ATM: variants seen among roughly 807,000 people sequenced by gnomAD.
The protein encoded by ATM is ATM serine/threonine kinase.
A neutral mutation model predicts 387.0 loss-of-function variants in ATM; 308 were observed. That is an observed-to-expected ratio of 0.80 (90% CI 0.73 to 0.87). The LOEUF is 0.87. ATM is among the 40% of genes least tolerant of loss of function. ATM has a pLI of 0.00. For synonymous variants in ATM, 1,156 were observed against 1,187.3 expected (o/e 0.97, Z 0.54); for missense variants, 3,312 against 3,560.9 (o/e 0.93, Z 1.78).
chr11:108,295,255 T>A, intron 32 of ATM, 196 bp downstream of exon 32: 1 of 643,448 alleles, frequency 1.6e-6, no homozygotes, highest in Non-Finnish European at 2.6e-6. Context: ...GTTTTATTCA[T>A]CCTCTGCCAG....
intron 61 of ATM, among the ~76,000 whole-genome samples, chr11:108,362,509 T>C (rs1290673028): frequency 3.7e-4 from 55 of 149,772 alleles, no homozygotes; most frequent in African/African-American, 1.3e-3. Context: ...CGTATGTTTA[T>C]TGCGGCATTA....
In ATM at chr11:108,251,970, T is replaced by G. The variant is rs876659822; in HGVS notation, c.1741T>G (p.Leu581Val). Residue 581 changes from leucine (L) to valine (V), a missense_variant, in exon 11 of 63, where the codon TTA becomes GTA. This residue lies in a region of ATM where 1,791 missense variants were observed against 1,804.5 expected (regional missense o/e 0.99). Transcript: ENST00000675843. ...AAAGGAATCAATAATGAAATGGCTC[T>G]TATTCTATCAGTTAGAGGGTGACTT... is the stretch of plus-strand genomic sequence containing the variant. The part of the protein sequence containing the change: ...SLKESIMKWL[L>V]FYQLEGDLEN... The G allele has an allele frequency of 1.9e-5, 31 of 1,613,752 alleles. No homozygotes were observed. The East Asian group carries it at 6.7e-4, about 35-fold the overall frequency.
rs1412493111 is a variant in ATM, at chr11:108,265,704, A to G, written c.2467-1467A>G. 4.6e-3 allele frequency among the ~76,000 whole-genome samples: 670 copies of G among 144,534 alleles called. 3 individuals are homozygous for G. Among genetic ancestry groups the G allele is most frequent in the Non-Finnish European group, 5.2e-3 (341 of 66,194 alleles). 94.8% of individuals were successfully genotyped at this position (144,534 alleles called of 152,430 possible). ...CATCAGAGTGAACAGGCAACCTACA[A>G]AATGGGAGAAAATTTTCGCAACCTA... On this transcript the variant is annotated intron_variant, in intron 16 of 62. Transcript: ENST00000675843.
At chr11:108,314,577 C>T (rs2084456792) in intron 40 of ATM, among the ~76,000 whole-genome samples, 1 of 151,936 alleles carries the variant, frequency 6.6e-6, no homozygotes, top group African/African-American at 2.4e-5. Flanking sequence ...GACCAGTCTA[C>T]TGTGTTGCTG....
intron 4 of ATM, chr11:108,231,628 G>A (rs1400922182): frequency 1.3e-5 from 2 of 150,778 alleles, no homozygotes; most frequent in Non-Finnish European, 2.9e-5. Flanking sequence ...CCTGGAAGGT[G>A]GAGGTTGCAG....
At chr11:108,239,484 T>C (rs2135170183) in intron 5 of ATM, among the ~76,000 whole-genome samples, 1 of 152,348 alleles carries the variant, frequency 6.6e-6, no homozygotes, top group African/African-American at 2.4e-5. Flanking sequence ...ATTTCACCCT[T>C]ATTAAAAACT....
At chr11:108,265,506 A>G (rs1477425701) in intron 16 of ATM, among the ~76,000 whole-genome samples, 1 of 151,500 alleles carries the variant, frequency 6.6e-6, no homozygotes, top group Admixed American at 6.6e-5. Flanking sequence ...AGACTTAAAC[A>G]TTAGACCTAA....
At chr11:108,248,063 T>C (rs950525430) in intron 8 of ATM, among the ~76,000 whole-genome samples, 8 of 152,220 alleles carry the variant, frequency 5.3e-5, no homozygotes, top group African/African-American at 1.9e-4. Flanking sequence ...GTGAGTCTTT[T>C]GTGTCTGGTT....
rs555119472 is a variant in ATM at position 108,282,064 on chromosome 11, C to G, written c.3577-646C>G. On this transcript the variant is annotated intron_variant, in intron 24 of 62. Coordinates refer to ENST00000675843, the MANE Select transcript of ATM (RefSeq NM_000051.4). Reference sequence around the variant, plus strand: ...CACTGCAGTCTTGACCTCCTGGGCTCAAGCGATCCTCCCAAGCCTCCTGAG... The same window carrying G: ...CACTGCAGTCTTGACCTCCTGGGCTGAAGCGATCCTCCCAAGCCTCCTGAG... Among the ~76,000 whole-genome samples, 6 of 152,096 alleles carry G rather than the reference C, an allele frequency of 3.9e-5. No homozygotes were observed. In the East Asian group the frequency reaches 1.2e-3, roughly 29 times the overall value.
chr11:108,304,694 A>G lies in ATM; in HGVS notation c.5516A>G (p.Gln1839Arg), dbSNP rs2135942711. 1 of 1,614,002 alleles carries G rather than the reference A, an allele frequency of 6.2e-7. No individual in the cohort carries two copies. The highest frequency in any genetic ancestry group is 8.5e-7 in the Non-Finnish European group (1 of 1,179,952). ...TTCTAGGTGAAAACTGACTTTTGTC[A>G]GACTGTACTTCCATACTTGATTCAT... ...PMCEVKTDFC[Q>R]TVLPYLIHDI... The change falls in exon 37 of 63, where the codon CAG becomes CGG. Residue 1839 changes from glutamine (Q) to arginine (R), a missense_variant. Gln to Arg is a conservative substitution (Grantham distance 43). Coordinates refer to ENST00000675843, the MANE Select transcript of ATM (RefSeq NM_000051.4).
rs533129312 is a variant in ATM, at chr11:108,252,861, C to G, written c.1847C>G (p.Thr616Ser). 6.2e-7 allele frequency: 1 copy of G among 1,613,026 alleles called. No individual in the cohort carries two copies. Among genetic ancestry groups the G allele is most frequent in the African/African-American group, 1.3e-5 (1 of 74,968 alleles). The change falls in exon 12 of 63, where the codon ACT becomes AGT. Residue 616 changes from threonine (T) to serine (S), a missense_variant. Thr to Ser is a moderately conservative substitution (Grantham distance 58, BLOSUM62 1). Transcript: ENST00000675843. ...LVLEKILVSL[T>S]MKNCKAAMNF... is the part of the protein sequence containing the mutation. ...CTGGAGAAAATTCTTGTGAGTCTCA[C>G]TATGAAAAACTGTAAAGCTGCAATG...
In ATM at chr11:108,253,870, T is replaced by C. The variant is rs766259936; in HGVS notation, c.1955T>C (p.Phe652Ser). The C allele has an allele frequency of 9.3e-6, 15 of 1,614,012 alleles. No homozygotes were observed. Among genetic ancestry groups the C allele is most frequent in the Non-Finnish European group, 1.3e-5 (15 of 1,179,950 alleles). Residue 652 changes from phenylalanine to serine, a missense_variant, in exon 13 of 63, where the codon TTT becomes TCT. Transcript: ENST00000675843. ...ELSFSEVEELFLQTTFDKMDF... is the reference protein window; with the variant it reads ...ELSFSEVEELSLQTTFDKMDF... ...TCATTCTCAGAAGTAGAAGAACTAT[T>C]TCTTCAGACAACTTTTGACAAGATG... is the stretch of plus-strand genomic sequence containing the variant.
chr11:108,256,196 A>G lies in ATM; in HGVS notation c.2125-19A>G. 1 of 1,570,014 alleles carries G rather than the reference A, an allele frequency of 6.4e-7. No homozygotes were observed. Among genetic ancestry groups the G allele is most frequent in the Non-Finnish European group, 8.7e-7 (1 of 1,151,194 alleles). On this transcript the variant is annotated intron_variant, in intron 13 of 62. Transcript: ENST00000675843. ...TTATTTATGAAATATATATATTTTTATTTGTGGTTTACTTTAAGATTACAA... is the reference window on the plus strand; with the variant it reads ...TTATTTATGAAATATATATATTTTTGTTTGTGGTTTACTTTAAGATTACAA...
intron 1 of ATM, chr11:108,223,697 G>A (rs1163167495): frequency 6.6e-6 from 1 of 152,264 alleles, no homozygotes; most frequent in Non-Finnish European, 1.5e-5. Flanking sequence ...GTACAGATAA[G>A]ACAACTACAG....
chr11:108,292,663 G>C lies in ATM; in HGVS notation c.4481G>C (p.Cys1494Ser), dbSNP rs2135798565. 3 of 1,613,394 alleles carry C rather than the reference G, an allele frequency of 1.9e-6. No homozygotes were observed. Among genetic ancestry groups the C allele is most frequent in the Non-Finnish European group, 2.5e-6 (3 of 1,179,876 alleles). Residue 1494 changes from cysteine (C) to serine (S), a missense_variant, in exon 30 of 63, where the codon TGT (cysteine) becomes TCT (serine). Coordinates refer to ENST00000675843, the MANE Select transcript of ATM (RefSeq NM_000051.4). ...MDVSLRSFSL[C>S]CDLLSQVCQT... The stretch of plus-strand genomic sequence containing the variant: ...GTGTCATTACGTAGCTTCTCCCTTT[G>C]TTGTGACTTATTAAGTCAGGTTTGC...
chr11:108,346,436 G>C (rs1432097236), intron 58 of ATM: 1 of 151,616 alleles, frequency 6.6e-6, no homozygotes, highest in African/African-American at 2.4e-5. Context: ...AGATAGTATG[G>C]TTAACAAAAT....
chr11:108,326,051 AT>A lies in ATM; in HGVS notation c.6808-4del. The A allele has an allele frequency of 1.2e-6, 2 of 1,613,842 alleles. No individual in the cohort carries two copies. Among genetic ancestry groups the A allele is most frequent in the South Asian group, 2.2e-5 (2 of 91,080 alleles). On this transcript the variant is annotated splice_region_variant and splice_polypyrimidine_tract_variant and intron_variant, in intron 46 of 62. Transcript: ENST00000675843. ...GTATTTATTCCCATATGTCATTTTC[AT>A]TTCAGCTCCCTGAAAGGGCAATATT...
chr11:108,333,201 A>G (rs1388980925), intron 53 of ATM, among the ~76,000 whole-genome samples: 1 of 152,200 alleles, frequency 6.6e-6, no homozygotes, highest in Non-Finnish European at 1.5e-5. Flanking sequence ...TAATTGAATA[A>G]CTGAACATTT....
chr11:108,261,892 GATGAA>G (rs1224328541), intron 16 of ATM, among the ~76,000 whole-genome samples: 1 of 152,066 alleles, frequency 6.6e-6, no homozygotes, highest in East Asian at 1.9e-4. Flanking sequence ...AGCGATGGAA[GATGAA>G]ATGAATGAAA....
Sources: gnomAD v4.1 joint callset for allele counts (sites outside exome capture counted in the v4.1 genomes callset) on GRCh38, gnomAD v4.1.1 for gene constraint, gnomAD v4.1.1 regional missense constraint, MANE v1.5 for transcripts, NCBI Gene and HGNC (gene_info 2026-07-23, HGNC 2026-07-21) for gene names.